The following ASCC1 variants were observed in gnomAD, a reference collection of about 807,000 sequenced individuals.
ASCC1 encodes ASC-1 complex subunit P50.
A neutral mutation model predicts 46.6 loss-of-function variants in ASCC1; 35 were observed. That is an observed-to-expected ratio of 0.75 (90% CI 0.57 to 0.99). The LOEUF is 0.99. Among genes scored for constraint, ASCC1 ranks in the 50% least tolerant of loss-of-function variants. The pLI is 0.00. For missense variants in ASCC1, 376 were observed against 428.7 expected (o/e 0.88, Z 1.09); for synonymous variants, 143 against 146.6 (o/e 0.98, Z 0.18).
intron 9 of ASCC1, chr10:72,103,017 A>G: frequency 2.3e-6 from 1 of 439,284 alleles, no homozygotes; most frequent in Non-Finnish European, 4.5e-6. Context: ...AGAAATATGT[A>G]GGTATTGACA....
chr10:72,104,376 T>C (rs1292981525), intron 9 of ASCC1, among the ~76,000 whole-genome samples: 1 of 152,146 alleles, frequency 6.6e-6, no homozygotes, highest in Non-Finnish European at 1.5e-5. Context: ...TTAATTGAAT[T>C]CTGGATGAAA....
intron 9 of ASCC1, 44 bp downstream of exon 9, chr10:72,128,038 G>T: frequency 7.0e-7 from 1 of 1,425,844 alleles, no homozygotes; most frequent in Non-Finnish European, 9.9e-7. Flanking sequence ...CCTTATTTAG[G>T]ACATGTGCCA....
At chr10:72,175,747 G>A (rs908154699) in intron 5 of ASCC1, among the ~76,000 whole-genome samples, 2 of 152,158 alleles carry the variant, frequency 1.3e-5, no homozygotes, top group Non-Finnish European at 1.5e-5. Context: ...TACCTTAGAT[G>A]AGCACAAAGA....
In ASCC1 at chr10:72,096,088, T is replaced by G. The variant is rs1263010220; in HGVS notation, c.*1246A>C. 2.6e-5 allele frequency: 12 copies of G among 453,644 alleles called. No individual in the cohort carries two copies. The highest frequency in any genetic ancestry group is 4.0e-5 in the Non-Finnish European group (9 of 226,580). The allele number at this position is 453,644 out of a possible 1,614,324, so 28.1% of individuals were successfully genotyped here. ...GTGCAGTCCCAATAATAAATCTCACTGTTAGACACAGTCCTCACAATGTAG... is the reference window on the plus strand; with the variant it reads ...GTGCAGTCCCAATAATAAATCTCACGGTTAGACACAGTCCTCACAATGTAG... On this transcript the variant is annotated 3_prime_UTR_variant, in exon 10 of 10. Coordinates refer to ENST00000672957, the MANE Select transcript of ASCC1 (RefSeq NM_001198800.3).
chr10:72,171,450 G>A (rs574895006), intron 5 of ASCC1, among the ~76,000 whole-genome samples: 5 of 151,152 alleles, frequency 3.3e-5, no homozygotes, highest in African/African-American at 2.4e-5. Context: ...TTTCTCAGAC[G>A]GAGTCTTGCT....
chr10:72,101,990 T>TGGAG (rs1841819571), intron 9 of ASCC1, among the ~76,000 whole-genome samples: 1 of 150,408 alleles, frequency 6.6e-6, no homozygotes, highest in African/African-American at 2.5e-5. Flanking sequence ...TCCTTGAGGG[T>TGGAG]GGAGGGAGGG....
At chr10:72,200,310 T>C (rs1856313747) in intron 4 of ASCC1, among the ~76,000 whole-genome samples, 1 of 152,150 alleles carries the variant, frequency 6.6e-6, no homozygotes, top group Non-Finnish European at 1.5e-5. Flanking sequence ...TATATATAAT[T>C]TCTGCAAGCT....
At chr10:72,200,750 G>A (rs1589610982) in intron 4 of ASCC1, among the ~76,000 whole-genome samples, 1 of 151,578 alleles carries the variant, frequency 6.6e-6, no homozygotes, top group African/African-American at 2.4e-5. Flanking sequence ...AAAACTCAAG[G>A]AAAATAAAAT....
rs149236336 is a variant in ASCC1, at chr10:72,152,987, C to A, written c.628G>T (p.Asp210Tyr). ...LQQCKEEFIN[D>Y]ISGGKPLEVE... ...TCTAGGGGTTTACCCCCAGAAATAT[C>A]ACTGCAAAGGAAAAAGCATTAAGAT... The change falls in exon 7 of 10, where the codon GAT becomes TAT. Residue 210 changes from aspartate (D) to tyrosine (Y), a missense_variant and splice_region_variant. Physicochemically the swap from Asp to Tyr is radical, Grantham distance 160. Transcript: ENST00000672957. 6.2e-7 allele frequency: 1 copy of A among 1,613,940 alleles called. No homozygotes were observed. The highest frequency in any genetic ancestry group is 1.3e-5 in the African/African-American group (1 of 74,930).
intron 3 of ASCC1, among the ~76,000 whole-genome samples, chr10:72,206,862 G>C (rs1358416984): frequency 6.6e-6 from 1 of 152,070 alleles, no homozygotes; most frequent in Non-Finnish European, 1.5e-5. Context: ...TATATAAACT[G>C]TATGCTTTTT....
At chr10:72,116,035 C>G (rs1009361156) in intron 9 of ASCC1, among the ~76,000 whole-genome samples, 1 of 152,142 alleles carries the variant, frequency 6.6e-6, no homozygotes, top group Non-Finnish European at 1.5e-5. Context: ...AAGACACAGC[C>G]AAGAATCAAC....
chr10:72,141,088 T>TAC (rs1564636532), intron 7 of ASCC1, among the ~76,000 whole-genome samples: 157 of 146,532 alleles, frequency 1.1e-3, no homozygotes, highest in African/African-American at 3.6e-3. Flanking sequence ...TAGATAGATA[T>TAC]AGATATAGAC....
At chr10:72,110,420 T>C (rs900582795) in intron 9 of ASCC1, among the ~76,000 whole-genome samples, 1 of 152,180 alleles carries the variant, frequency 6.6e-6, no homozygotes, top group Non-Finnish European at 1.5e-5. Context: ...AGGAGCAGCA[T>C]GGAGGAAACC....
intron 3 of ASCC1, among the ~76,000 whole-genome samples, 182 bp from the exon 4 acceptor site, chr10:72,203,706 T>C (rs1283793518): frequency 2.0e-5 from 3 of 152,196 alleles, no homozygotes; most frequent in Non-Finnish European, 2.9e-5. Context: ...AGTAAAGTCA[T>C]TGGCAAAGAT....
chr10:72,105,042 T>C (rs1373887783), intron 9 of ASCC1, among the ~76,000 whole-genome samples: 1 of 152,136 alleles, frequency 6.6e-6, no homozygotes, highest in Non-Finnish European at 1.5e-5. Context: ...GAGAGCCATT[T>C]CCATCACTTA....
intron 5 of ASCC1, among the ~76,000 whole-genome samples, chr10:72,192,666 G>A (rs1007495383): frequency 1.3e-5 from 2 of 152,012 alleles, no homozygotes; most frequent in African/African-American, 4.8e-5. Context: ...GCTAATTTTT[G>A]TATTTTTAGT....
chr10:72,112,878 CAAA>C lies in ASCC1; in HGVS notation c.957+15201_957+15203del, dbSNP rs60754683. 6.1e-3 allele frequency among the ~76,000 whole-genome samples: 503 copies of C among 82,850 alleles called. 2 individuals are homozygous for C. The highest frequency in any genetic ancestry group is 0.02 in the African/African-American group (404 of 20,506). 54.4% of individuals were successfully genotyped at this position (82,850 alleles called of 152,430 possible). A position where few individuals can be genotyped will look rare whatever the true frequency, so the allele number is the denominator to read the frequency against. ...GGGCAACAGAGCTAGACTCTGCCTC[CAAA>C]AAAAAAAAAAAAAAAAAAAACCCCA... On this transcript the variant is annotated intron_variant, in intron 9 of 9. Transcript: ENST00000672957.
At chr10:72,101,036 T>C (rs1841691319) in intron 9 of ASCC1, among the ~76,000 whole-genome samples, 1 of 152,206 alleles carries the variant, frequency 6.6e-6, no homozygotes, top group African/African-American at 2.4e-5. Flanking sequence ...TACATGTTTC[T>C]TATTTGTGAA....
chr10:72,178,829 T>A (rs969069267), intron 5 of ASCC1, among the ~76,000 whole-genome samples: 1 of 152,174 alleles, frequency 6.6e-6, no homozygotes, highest in Admixed American at 6.6e-5. Flanking sequence ...GAATCTTTCA[T>A]ATCAGAGATC....
Sources: gnomAD v4.1 joint callset for allele counts (sites outside exome capture counted in the v4.1 genomes callset) on GRCh38, gnomAD v4.1.1 for gene constraint, MANE v1.5 for transcripts, NCBI Gene and HGNC (gene_info 2026-07-23, HGNC 2026-07-21) for gene names.